Variants in TEP1 observed in about 807,000 individuals in gnomAD.
TEP1 encodes the protein telomerase associated protein 1, also known as telomerase protein component 1.
A neutral mutation model predicts 306.3 loss-of-function variants in TEP1; 241 were observed. The observed-to-expected ratio is 0.79, with a 90% confidence interval of 0.71 to 0.88. TEP1 has a LOEUF of 0.88. Among genes scored for constraint, TEP1 ranks in the 40% least tolerant of loss-of-function variants. The pLI is 0.00. For missense variants in TEP1, 3,051 were observed against 3,276.1 expected, an observed-to-expected ratio of 0.93 and a Z score of 1.68; for synonymous variants, 1,289 against 1,305.5, an observed-to-expected ratio of 0.99 and a Z score of 0.27.
rs369887954 is a variant in TEP1, at chr14:20,368,895, G to A, written c.7664C>T (p.Ser2555Leu). 11 of 1,612,992 alleles carry A rather than the reference G, an allele frequency of 6.8e-6. No individual in the cohort carries two copies. The highest frequency in any genetic ancestry group is 6.7e-5 in the East Asian group (3 of 44,874). Residue 2555 changes from serine to leucine, a missense_variant, in exon 54 of 55, where the codon TCG becomes TTG. Transcript: ENST00000262715. Reference protein sequence around the residue: ...LKTRQRRKIHSGSVTALHVLP... With the variant: ...LKTRQRRKIHLGSVTALHVLP... ...CACATGGAGGGCTGTGACAGAGCCC[G>A]AGTGAATCTCAAAGAGGAAAGGGGA...
chr14:20,383,084 G>T, intron 27 of TEP1, 90 bp downstream of exon 27: 1 of 1,402,410 alleles, frequency 7.1e-7, no homozygotes, highest in Non-Finnish European at 9.6e-7. Context: ...GAGCAGGTCT[G>T]TGCAAGGCAG....
rs752539395 is a variant in TEP1 at position 20,391,665 on chromosome 14, G to A, written c.2031C>T (p.Arg677=). Residue 677 remains arginine (R), a synonymous_variant, in exon 13 of 55, where the codon CGC becomes CGT. Coordinates refer to ENST00000262715, the MANE Select transcript of TEP1 (RefSeq NM_007110.5). ...CATCTGTCAGATAGACCAAGACAGT[G>A]CGGCCTGGCAGCAGGGGCAGGCTGT... ...VKHSLPLLPG[R]TVLVYLTDAN... is the part of the protein sequence containing the mutation. The A allele has an allele frequency of 1.9e-5, 30 of 1,614,056 alleles. No individual in the cohort carries two copies. The highest frequency in any genetic ancestry group is 2.5e-5 in the Non-Finnish European group (30 of 1,180,036).
At chr14:20,387,856 TTGACTG>T (rs1877332754) in intron 18 of TEP1, 43 bp downstream of exon 18, 1 of 1,545,080 alleles carries the variant, frequency 6.5e-7, no homozygotes, top group Non-Finnish European at 8.7e-7. Flanking sequence ...TTCCCAAGGT[TTGACTG>T]CAGCCCCTCC....
chr14:20,404,658 T>C lies in TEP1; in HGVS notation c.985A>G (p.Ile329Val), dbSNP rs184310234. ...RPHLRRYFCA[I>V]VQLPSDWIQV... ...ATCCAGTCAGAAGGCAGCTGGACAATGGCACAGAAATATCGTCGCAGGTGG... is the reference window on the plus strand; with the variant it reads ...ATCCAGTCAGAAGGCAGCTGGACAACGGCACAGAAATATCGTCGCAGGTGG... Residue 329 changes from isoleucine (I) to valine (V), a missense_variant, in exon 5 of 55, where the codon ATT (isoleucine) becomes GTT (valine). Physicochemically the swap from Ile to Val is conservative, Grantham distance 29. Transcript: ENST00000262715. 2.5e-6 allele frequency: 4 copies of C among 1,613,986 alleles called. No individual in the cohort carries two copies. Among genetic ancestry groups the C allele is most frequent in the African/African-American group, 2.7e-5 (2 of 74,928 alleles).
intron 12 of TEP1, 66 bp downstream of exon 12, chr14:20,395,384 G>A: frequency 6.9e-7 from 1 of 1,445,496 alleles, no homozygotes; most frequent in Non-Finnish European, 9.3e-7. Context: ...ATTCCCAGAT[G>A]ACTTCCAACC....
chr14:20,412,204 G>A (rs1348536713), intron 1 of TEP1, among the ~76,000 whole-genome samples: 1 of 152,146 alleles, frequency 6.6e-6, no homozygotes, highest in East Asian at 1.9e-4. Context: ...AATACACTTT[G>A]CTCATGTCGT....
At position 20,381,688 on chromosome 14, in the gene TEP1, T is replaced by C. The variant is rs774044005; in HGVS notation, c.4425-2A>G. On this transcript the variant is annotated splice_acceptor_variant, in intron 30 of 54. Coordinates refer to ENST00000262715, the MANE Select transcript of TEP1 (RefSeq NM_007110.5). LOFTEE classifies it high-confidence loss of function. This position sits in a 1 kb window ranked among gnomAD's most constrained non-coding sequence, Gnocchi z 4.0. Reference sequence around the variant, plus strand: ...TCCAGAGGGCCCTCCCCTAGCAAACTGTCCTCGTGTGAGGAAGGGAGAGAG... The same window carrying C: ...TCCAGAGGGCCCTCCCCTAGCAAACCGTCCTCGTGTGAGGAAGGGAGAGAG... The C allele has an allele frequency of 6.3e-7, 1 of 1,593,150 alleles. No homozygotes were observed. The highest frequency in any genetic ancestry group is 8.5e-7 in the Non-Finnish European group (1 of 1,171,080).
chr14:20,391,052 C>T lies in TEP1; in HGVS notation c.2142G>A (p.Thr714=), dbSNP rs34817105. 235 of 1,614,162 alleles carry T rather than the reference C, an allele frequency of 1.5e-4. 1 individual carries two copies. The highest frequency in any genetic ancestry group is 1.8e-4 in the Non-Finnish European group (215 of 1,180,036). Residue 714 remains threonine (T), a synonymous_variant, in exon 14 of 55, where the codon ACG becomes ACA. Coordinates refer to ENST00000262715, the MANE Select transcript of TEP1 (RefSeq NM_007110.5). ...YALLLIGMMI[T]RAEQVDVVLC... is the part of the protein sequence containing the mutation. ...GCACGACGTCCACCTGCTCCGCCCTCGTGATCATCATCCCAATCAACAGCA... is the reference window on the plus strand; with the variant it reads ...GCACGACGTCCACCTGCTCCGCCCTTGTGATCATCATCCCAATCAACAGCA...
Position 20,381,168 on chromosome 14 carries a change from G to A in TEP1, c.4648-123C>T. ...GGGACAAAGGACTTGAAGAAGAAGG[G>A]CAGGAAAACTGAAAGGAAAGAGGTC... On this transcript the variant is annotated intron_variant, in intron 32 of 54. Coordinates refer to ENST00000262715, the MANE Select transcript of TEP1 (RefSeq NM_007110.5). This position sits in a 1 kb window ranked among gnomAD's most constrained non-coding sequence, Gnocchi z 4.0. The A allele has an allele frequency of 8.3e-7, 1 of 1,204,284 alleles. No individual in the cohort carries two copies. The highest frequency in any genetic ancestry group is 1.2e-6 in the Non-Finnish European group (1 of 811,180). 74.6% of individuals were successfully genotyped at this position (1,204,284 alleles called of 1,614,324 possible).
intron 6 of TEP1, 66 bp from the exon 7 acceptor site, chr14:20,403,514 T>C: frequency 1.2e-6 from 2 of 1,609,332 alleles, no homozygotes; most frequent in Non-Finnish European, 1.7e-6. Context: ...ATCCAGTCAA[T>C]AGCCCTGAAG....
chr14:20,378,967 G>A lies in TEP1; in HGVS notation c.5252+14C>T, dbSNP rs1436518328. ...AAGGCCCTCATTCCAAGACAAATGG[G>A]GAGGACCCCTTACCGACAACCATGC... On this transcript the variant is annotated intron_variant, in intron 36 of 54. Transcript: ENST00000262715. 6.2e-7 allele frequency: 1 copy of A among 1,614,190 alleles called. No homozygotes were observed. Among genetic ancestry groups the A allele is most frequent in the East Asian group, 2.2e-5 (1 of 44,882 alleles).
At chr14:20,410,639 A>C in intron 1 of TEP1, among the ~76,000 whole-genome samples, 1 of 142,534 alleles carries the variant, frequency 7.0e-6, no homozygotes. Flanking sequence ...ACAGGGTTCC[A>C]CTATGCTGGC....
chr14:20,395,488 C>G lies in TEP1; in HGVS notation c.1890G>C (p.Glu630Asp). 1 of 1,610,762 alleles carries G rather than the reference C, an allele frequency of 6.2e-7. No homozygotes were observed. ...RMAMRIPVLY[E>D]QLKREKLRVH... is the part of the protein sequence containing the mutation. The stretch of plus-strand genomic sequence containing the variant: ...CTCTCAGCTTCTCCCTCTTGAGCTG[C>G]TCATACAACACAGGTATCCTCATTG... Residue 630 changes from glutamate to aspartate, a missense_variant, in exon 12 of 55, where the codon GAG (glutamate) becomes GAC (aspartate). Physicochemically the swap from Glu to Asp is conservative, Grantham distance 45 (BLOSUM62 2). This residue lies in a region of TEP1 where 1,507 missense variants were observed against 1,550.5 expected (regional missense o/e 0.97). Transcript: ENST00000262715.
Position 20,391,589 on chromosome 14 carries a change from G to C in TEP1, c.2097+10C>G. On this transcript the variant is annotated intron_variant, in intron 13 of 54. Transcript: ENST00000262715. ...CCCAACCCCTTGGAGGATGCTTTTTGTTTTCTTACCCCTTGTGGGTTGCTC... is the reference window on the plus strand; with the variant it reads ...CCCAACCCCTTGGAGGATGCTTTTTCTTTTCTTACCCCTTGTGGGTTGCTC... 4 of 1,605,702 alleles carry C rather than the reference G, an allele frequency of 2.5e-6. No individual in the cohort carries two copies. The highest frequency in any genetic ancestry group is 3.4e-6 in the Non-Finnish European group (4 of 1,174,960).
At chr14:20,384,924 G>A in intron 21 of TEP1, 61 bp downstream of exon 21, 2 of 1,610,902 alleles carry the variant, frequency 1.2e-6, no homozygotes, top group Admixed American at 1.7e-5. Flanking sequence ...ACTGAGGAGA[G>A]AAGACTGGCC....
chr14:20,402,137 C>G (rs977661975), intron 7 of TEP1, among the ~76,000 whole-genome samples: 6 of 152,024 alleles, frequency 3.9e-5, no homozygotes, highest in African/African-American at 1.5e-4. Flanking sequence ...GAAACCCCGT[C>G]TCTACTAAAA....
chr14:20,395,895 C>T lies in TEP1; in HGVS notation c.1714G>A (p.Ala572Thr). The T allele has an allele frequency of 1.9e-6, 3 of 1,613,996 alleles. No individual in the cohort carries two copies. The highest frequency in any genetic ancestry group is 1.7e-6 in the Non-Finnish European group (2 of 1,179,980). Residue 572 changes from alanine to threonine, a missense_variant, in exon 11 of 55, where the codon GCC (alanine) becomes ACC (threonine). This residue lies in a region of TEP1 where 1,507 missense variants were observed against 1,550.5 expected (regional missense o/e 0.97). Transcript: ENST00000262715. ...FPFRFLNAHDAIDALEAQLRN... is the reference protein window; with the variant it reads ...FPFRFLNAHDTIDALEAQLRN... The stretch of plus-strand genomic sequence containing the variant: ...AGTTGAGCCTCGAGGGCATCAATGG[C>T]ATCATGGGCGTTAAGAAATCTGAAT...
In TEP1 at chr14:20,368,433, A is replaced by G; in HGVS notation, c.*4T>C. 6.2e-7 allele frequency: 1 copy of G among 1,613,994 alleles called. No individual in the cohort carries two copies. Among genetic ancestry groups the G allele is most frequent in the Non-Finnish European group, 8.5e-7 (1 of 1,179,868 alleles). On this transcript the variant is annotated 3_prime_UTR_variant, in exon 55 of 55. Coordinates refer to ENST00000262715, the MANE Select transcript of TEP1 (RefSeq NM_007110.5). ...GGGTATCATTATTCCCGAGTGGCAC[A>G]TCTTCATTCCCAATTCAGAAAGTAC... is the stretch of plus-strand genomic sequence containing the variant.
In TEP1 at chr14:20,378,431, G is replaced by A; in HGVS notation, c.5457C>T (p.Ser1819=). 3 of 1,614,226 alleles carry A rather than the reference G, an allele frequency of 1.9e-6. No homozygotes were observed. Among genetic ancestry groups the A allele is most frequent in the Non-Finnish European group, 2.5e-6 (3 of 1,180,032 alleles). The part of the protein sequence containing the change: ...HPEGQVIATG[S]WAGSISFFQV... ...GGAAGAAGCTGATGCTGCCAGCCCA[G>A]CTGCCTGTGGCTATTACCTGCCCCT... Residue 1819 remains serine, a synonymous_variant, in exon 38 of 55, where the codon AGC becomes AGT. Coordinates refer to ENST00000262715, the MANE Select transcript of TEP1 (RefSeq NM_007110.5).
Sources: gnomAD v4.1 joint callset for allele counts (sites outside exome capture counted in the v4.1 genomes callset) on GRCh38, gnomAD v4.1.1 for gene constraint, gnomAD v4.1.1 regional missense constraint, Gnocchi (gnomAD v3.1) non-coding constraint, MANE v1.5 for transcripts, NCBI Gene and HGNC (gene_info 2026-07-23, HGNC 2026-07-21) for gene names.